Variants in ATRNL1 observed in about 807,000 individuals in gnomAD.
ATRNL1 encodes attractin-like protein 1.
ATRNL1 carries 95 observed loss-of-function variants against 182.7 expected under a neutral mutation model. The observed-to-expected ratio is 0.52, with a 90% confidence interval of 0.44 to 0.62. The LOEUF (loss-of-function observed/expected upper bound fraction) is 0.62. ATRNL1 is among the 20% of genes least tolerant of loss of function. The probability of loss-of-function intolerance (pLI) is 0.00; values close to 1 mark genes in which losing one functional copy is unlikely to be tolerated. For missense variants in ATRNL1, 1,471 were observed against 1,679.5 expected (o/e 0.88, Z 2.17); for synonymous variants, 576 against 568.3 (o/e 1.01, Z -0.19).
At chr10:115,506,079 G>T (rs550306666) in intron 24 of ATRNL1, among the ~76,000 whole-genome samples, 7 of 151,872 alleles carry the variant, frequency 4.6e-5, no homozygotes, top group African/African-American at 1.7e-4. Flanking sequence ...AGCCCCTTTA[G>T]TAGTTAAAAT....
At chr10:115,844,821 CA>C (rs1356309848) in intron 27 of ATRNL1, among the ~76,000 whole-genome samples, 7 of 152,132 alleles carry the variant, frequency 4.6e-5, no homozygotes, top group African/African-American at 1.7e-4. Flanking sequence ...CTTTGAAAGG[CA>C]GCAATGGAAA....
chr10:115,804,448 A>G (rs1949872128), intron 27 of ATRNL1, among the ~76,000 whole-genome samples: 1 of 152,094 alleles, frequency 6.6e-6, no homozygotes, highest in African/African-American at 2.4e-5. Flanking sequence ...ACTAATAGAG[A>G]CAGAGACCTG....
chr10:115,611,003 AG>A (rs1286895835), intron 26 of ATRNL1, among the ~76,000 whole-genome samples: 10 of 151,928 alleles, frequency 6.6e-5, no homozygotes, highest in African/African-American at 2.4e-4. Flanking sequence ...ACACAAATTT[AG>A]AGTTTCAAAA....
intron 21 of ATRNL1, among the ~76,000 whole-genome samples, chr10:115,433,165 G>C (rs963115025): frequency 6.6e-6 from 1 of 151,830 alleles, no homozygotes. Flanking sequence ...GTGGAATTTT[G>C]TAGTAATAAT....
intron 19 of ATRNL1, among the ~76,000 whole-genome samples, chr10:115,367,501 A>C (rs1403924218): frequency 1.3e-5 from 2 of 151,404 alleles, no homozygotes; most frequent in Non-Finnish European, 3.0e-5. Flanking sequence ...GATCATCTGA[A>C]GCCTTCTTCT....
At chr10:115,658,128 C>T (rs1860446254) in intron 26 of ATRNL1, among the ~76,000 whole-genome samples, 2 of 113,528 alleles carry the variant, frequency 1.8e-5, no homozygotes, top group South Asian at 2.9e-4. Flanking sequence ...TGGAGTCTCG[C>T]TCTGTCGCCC....
intron 3 of ATRNL1, among the ~76,000 whole-genome samples, chr10:115,122,553 GCTGGAAATT>G (rs1311720736): frequency 1.3e-5 from 2 of 151,792 alleles, no homozygotes; most frequent in Admixed American, 1.3e-4. Flanking sequence ...TTCTGTCATT[GCTGGAAATT>G]TAAGTATGGA....
At chr10:115,438,671 G>A (rs1334907353) in intron 21 of ATRNL1, among the ~76,000 whole-genome samples, 1 of 151,520 alleles carries the variant, frequency 6.6e-6, no homozygotes, top group African/African-American at 2.4e-5. Flanking sequence ...TTTGCACTAC[G>A]GCTGCTAGAC....
chr10:115,267,060 G>A (rs1851638310), intron 12 of ATRNL1, 55 bp downstream of exon 12: 1 of 1,211,900 alleles, frequency 8.3e-7, no homozygotes, highest in African/African-American at 1.5e-5. Flanking sequence ...TTCTACAGAA[G>A]TAGAAATATC....
Position 115,497,633 on chromosome 10 carries a change from G to A in ATRNL1, c.3655-21630G>A, listed in dbSNP as rs80016523. 2.6e-3 allele frequency among the ~76,000 whole-genome samples: 397 copies of A among 151,456 alleles called. 5 individuals are homozygous for A. The East Asian group carries it at 0.04, about 15-fold the overall frequency. On this transcript the variant is annotated intron_variant, in intron 24 of 28. Coordinates refer to ENST00000355044, the MANE Select transcript of ATRNL1 (RefSeq NM_207303.4). ...TGGTTCTAATCAGCCATCTTGTAAA[G>A]TCTCAGTGTAAGTTAAGTTTACTCT...
At chr10:115,765,889 T>C (rs776823226) in intron 27 of ATRNL1, among the ~76,000 whole-genome samples, 5 of 152,180 alleles carry the variant, frequency 3.3e-5, no homozygotes, top group African/African-American at 4.8e-5. Flanking sequence ...CACTGATGTA[T>C]ACAATTAGAC....
chr10:115,230,919 G>GAA (rs781963817), intron 9 of ATRNL1, among the ~76,000 whole-genome samples: 11 of 120,838 alleles, frequency 9.1e-5, no homozygotes, highest in African/African-American at 3.3e-4. Flanking sequence ...GAGAGAGAGA[G>GAA]AGAAAGAGAG....
At chr10:115,179,964 A>G (rs529059656) in intron 8 of ATRNL1, among the ~76,000 whole-genome samples, 1 of 152,180 alleles carries the variant, frequency 6.6e-6, no homozygotes, top group Admixed American at 6.6e-5. Context: ...TTTATTCAAG[A>G]AAACCTTTTT....
chr10:115,875,575 G>GTT (rs779716597), intron 28 of ATRNL1, among the ~76,000 whole-genome samples: 2 of 152,316 alleles, frequency 1.3e-5, no homozygotes, highest in Non-Finnish European at 2.9e-5. Flanking sequence ...AAGGATCTAA[G>GTT]TAGTCCATTC....
chr10:115,095,436 T>C (rs1216567852), intron 1 of ATRNL1, among the ~76,000 whole-genome samples: 5 of 152,060 alleles, frequency 3.3e-5, no homozygotes, highest in African/African-American at 1.2e-4. Flanking sequence ...TGTAAAAATG[T>C]ATATTTTTAA....
chr10:115,216,397 T>C (rs1479585232), intron 9 of ATRNL1, among the ~76,000 whole-genome samples: 1 of 152,196 alleles, frequency 6.6e-6, no homozygotes, highest in Non-Finnish European at 1.5e-5. Flanking sequence ...TCCCTGATCC[T>C]TCATGTTCTC....
intron 26 of ATRNL1, among the ~76,000 whole-genome samples, chr10:115,673,048 C>T (rs1555041940): frequency 1.3e-5 from 2 of 152,000 alleles, no homozygotes; most frequent in Non-Finnish European, 2.9e-5. Flanking sequence ...ATATGGTCCC[C>T]TTATTTACCA....
intron 26 of ATRNL1, among the ~76,000 whole-genome samples, chr10:115,587,851 T>TAACG (rs144108824): frequency 6.6e-6 from 1 of 151,740 alleles, no homozygotes; most frequent in Admixed American, 6.6e-5. Flanking sequence ...ACTATTAAAA[T>TAACG]AACAAAGTTT....
At chr10:115,763,758 A>T (rs1948789586) in intron 27 of ATRNL1, among the ~76,000 whole-genome samples, 1 of 152,184 alleles carries the variant, frequency 6.6e-6, no homozygotes, top group African/African-American at 2.4e-5. Context: ...AGACATATAC[A>T]TATGTATGTA....
Sources: gnomAD v4.1 joint callset for allele counts (sites outside exome capture counted in the v4.1 genomes callset) on GRCh38, gnomAD v4.1.1 for gene constraint, MANE v1.5 for transcripts, NCBI Gene and HGNC (gene_info 2026-07-23, HGNC 2026-07-21) for gene names.